AOX1: variants seen among roughly 807,000 people sequenced by gnomAD.
AOX1 encodes the protein aldehyde oxidase 1.
AOX1 carries 153 observed loss-of-function variants against 169.5 expected under a neutral mutation model. That is an observed-to-expected ratio of 0.90 (90% CI 0.79 to 1.03). The LOEUF is 1.03. Ranked by LOEUF, AOX1 falls within the 50% of genes least tolerant of loss-of-function variation. The pLI is 0.00. For missense variants in AOX1, 1,656 were observed against 1,663.9 expected (o/e 1.00, Z 0.08); for synonymous variants, 562 against 581.9 (o/e 0.97, Z 0.49).
intron 20 of AOX1, among the ~76,000 whole-genome samples, chr2:200,631,507 G>T (rs751035392): frequency 6.6e-6 from 1 of 152,114 alleles, no homozygotes; most frequent in Non-Finnish European, 1.5e-5. Context: ...GACTTTAAGG[G>T]CCTCTTATTA....
chr2:200,620,977 C>T (rs2034873741), intron 17 of AOX1, 143 bp from the exon 18 acceptor site: 4 of 1,315,316 alleles, frequency 3.0e-6, no homozygotes, highest in Non-Finnish European at 3.1e-6. Flanking sequence ...TTTACTACAA[C>T]TTCGTTGTCC....
chr2:200,618,055 T>G (rs1004963495), intron 16 of AOX1, among the ~76,000 whole-genome samples: 1 of 152,144 alleles, frequency 6.6e-6, no homozygotes, highest in Non-Finnish European at 1.5e-5. Context: ...CTGTCTCCAA[T>G]CTGTGCTCAT....
At position 200,666,722 on chromosome 2, in the gene AOX1, CAGTA is replaced by C; in HGVS notation, c.3580_3583del (p.Ser1194Ter). On this transcript the variant is annotated frameshift_variant, in exon 32 of 35. Coordinates refer to ENST00000374700, the MANE Select transcript of AOX1 (RefSeq NM_001159.4). LOFTEE classifies it high-confidence loss of function. ...CAGACATTGTCATGGATGTTGGCTGCAGTATAAATCCAGCCATTGACATAGGCCA... is the reference window on the plus strand; with the variant it reads ...CAGACATTGTCATGGATGTTGGCTGCTAAATCCAGCCATTGACATAGGCCA... 6.2e-7 allele frequency: 1 copy of C among 1,610,138 alleles called. No homozygotes were observed. Among genetic ancestry groups the C allele is most frequent in the Non-Finnish European group, 8.5e-7 (1 of 1,178,804 alleles).
Position 200,623,949 on chromosome 2 carries a change from A to G in AOX1, c.2090A>G (p.Tyr697Cys). The change falls in exon 19 of 35, where the codon TAT becomes TGT. Residue 697 changes from tyrosine (Y) to cysteine (C), a missense_variant. Physicochemically the swap from Tyr to Cys is radical, Grantham distance 194. Coordinates refer to ENST00000374700, the MANE Select transcript of AOX1 (RefSeq NM_001159.4). Reference protein sequence around the residue: ...KRAAKRVKIVYQDLEPLILTI... With the variant: ...KRAAKRVKIVCQDLEPLILTI... The stretch of plus-strand genomic sequence containing the variant: ...GCTGCTAAGCGAGTGAAGATTGTCT[A>G]TCAAGACTTGGAGCCGCTGATACTA... The G allele has an allele frequency of 1.9e-6, 3 of 1,614,154 alleles. No homozygotes were observed. Among genetic ancestry groups the G allele is most frequent in the Non-Finnish European group, 2.5e-6 (3 of 1,179,998 alleles).
At chr2:200,605,249 C>T (rs531499291) in intron 9 of AOX1, among the ~76,000 whole-genome samples, 8 of 152,236 alleles carry the variant, frequency 5.3e-5, no homozygotes, top group African/African-American at 1.9e-4. Flanking sequence ...CTGTTGCATC[C>T]AGTGTGTGCT....
chr2:200,620,198 A>AGTTTTTTTT lies in AOX1; in HGVS notation c.1705-452_1705-451insGTTTTTTTT, dbSNP rs370920216. ...TATTGTCTTGGTGTTATTAATAGTG[A>AGTTTTTTTT]CTTTTTTTTTTTTTTTTTTTGATGG... On this transcript the variant is annotated intron_variant, in intron 16 of 34. Transcript: ENST00000374700. Among the ~76,000 whole-genome samples the AGTTTTTTTT allele has an allele frequency of 1.7e-5, 2 of 120,912 alleles. 1 individual carries two copies. Among genetic ancestry groups the AGTTTTTTTT allele is most frequent in the Non-Finnish European group, 3.4e-5 (2 of 59,374 alleles). The allele number at this position is 120,912 out of a possible 152,430, so 79.3% of individuals were successfully genotyped here. A position where few individuals can be genotyped will look rare whatever the true frequency, so the allele number is the denominator to read the frequency against.
Position 200,642,803 on chromosome 2 carries a change from T to G in AOX1, c.2847+2T>G. 1 of 1,610,082 alleles carries G rather than the reference T, an allele frequency of 6.2e-7. No homozygotes were observed. The highest frequency in any genetic ancestry group is 1.3e-5 in the African/African-American group (1 of 74,868). On this transcript the variant is annotated splice_donor_variant, in intron 25 of 34. Coordinates refer to ENST00000374700, the MANE Select transcript of AOX1 (RefSeq NM_001159.4). LOFTEE classifies it high-confidence loss of function. ...AAATGTGGACTATCCCCTGAGAAGG[T>G]AATACTAAATCAGCTTCACAGACAA...
intron 20 of AOX1, among the ~76,000 whole-genome samples, chr2:200,632,455 T>C (rs2035146911): frequency 6.6e-6 from 1 of 151,952 alleles, no homozygotes; most frequent in African/African-American, 2.4e-5. Flanking sequence ...ATAATATAAT[T>C]GATAATTCTA....
chr2:200,619,988 GAT>G (rs1170552899), intron 16 of AOX1, among the ~76,000 whole-genome samples: 1 of 152,064 alleles, frequency 6.6e-6, no homozygotes, highest in Non-Finnish European at 1.5e-5. Flanking sequence ...AATTTAAAGA[GAT>G]ACATAAGCAT....
intron 14 of AOX1, 106 bp downstream of exon 14, chr2:200,612,899 A>T: frequency 2.4e-6 from 2 of 828,980 alleles, no homozygotes; most frequent in Non-Finnish European, 1.9e-6. Context: ...AAAGTGTTCC[A>T]TACCTTTCTA....
chr2:200,596,955 T>G (rs976454144), intron 3 of AOX1, among the ~76,000 whole-genome samples: 1 of 152,192 alleles, frequency 6.6e-6, no homozygotes, highest in Admixed American at 6.5e-5. Context: ...TCCAGTTCTT[T>G]AATGTTTAAC....
chr2:200,642,551 C>T (rs191407642), intron 24 of AOX1, 59 bp from the exon 25 acceptor site: 53 of 1,530,184 alleles, frequency 3.5e-5, no homozygotes, highest in South Asian at 2.5e-4. Flanking sequence ...GGTCTGAGGT[C>T]GTAGGATGGT....
chr2:200,647,554 A>G (rs1460977727), intron 25 of AOX1, among the ~76,000 whole-genome samples: 1 of 152,196 alleles, frequency 6.6e-6, no homozygotes, highest in Non-Finnish European at 1.5e-5. Flanking sequence ...TAACCTGATG[A>G]CAATGTGCCT....
chr2:200,648,151 G>T (rs1182374602), intron 25 of AOX1, among the ~76,000 whole-genome samples: 5 of 152,144 alleles, frequency 3.3e-5, no homozygotes, highest in Admixed American at 6.5e-5. Flanking sequence ...TTTTTTGGGG[G>T]TGTTGAAGAG....
chr2:200,589,116 T>G (rs1191923719), intron 1 of AOX1, among the ~76,000 whole-genome samples: 1 of 152,092 alleles, frequency 6.6e-6, no homozygotes, highest in Non-Finnish European at 1.5e-5. Flanking sequence ...AGAAAATAGG[T>G]GACATGATTG....
chr2:200,638,095 A>C, intron 22 of AOX1, 120 bp from the exon 23 acceptor site: 1 of 790,150 alleles, frequency 1.3e-6, no homozygotes, highest in Non-Finnish European at 2.1e-6. Context: ...CATGCGAAAT[A>C]GTTGTGTTGT....
intron 21 of AOX1, among the ~76,000 whole-genome samples, chr2:200,636,000 C>G (rs1016576440): frequency 1.3e-5 from 2 of 149,986 alleles, no homozygotes; most frequent in Middle Eastern, 3.4e-3. Context: ...CTGTAAGAAT[C>G]AATTGTTAAG....
At position 200,637,045 on chromosome 2, in the gene AOX1, G is replaced by A; in HGVS notation, c.2480+1G>A. On this transcript the variant is annotated splice_donor_variant, in intron 22 of 34. Transcript: ENST00000374700. LOFTEE classifies it high-confidence loss of function. ...CCGTCACTGCATTTGCCGCAAACAA[G>A]TAAGTGGAGAAAATCTGCTAAAAAT... The A allele has an allele frequency of 6.2e-7, 1 of 1,613,752 alleles. No homozygotes were observed. Among genetic ancestry groups the A allele is most frequent in the Non-Finnish European group, 8.5e-7 (1 of 1,179,836 alleles).
At chr2:200,655,796 C>T (rs1343746194) in intron 26 of AOX1, among the ~76,000 whole-genome samples, 2 of 152,080 alleles carry the variant, frequency 1.3e-5, no homozygotes, top group African/African-American at 4.8e-5. Flanking sequence ...CTTGGAAGGC[C>T]CTTCTGATGG....
Sources: gnomAD v4.1 joint callset for allele counts (sites outside exome capture counted in the v4.1 genomes callset) on GRCh38, gnomAD v4.1.1 for gene constraint, MANE v1.5 for transcripts, NCBI Gene and HGNC (gene_info 2026-07-23, HGNC 2026-07-21) for gene names.